LARGE1: variants seen among roughly 807,000 people sequenced by gnomAD.
LARGE1 encodes xylosyl- and glucuronyltransferase LARGE1.
A neutral mutation model predicts 87.6 loss-of-function variants in LARGE1; 43 were observed. The ratio of observed to expected loss-of-function variants is 0.49; its 90% CI spans 0.38 to 0.63. The LOEUF (loss-of-function observed/expected upper bound fraction) is 0.63, where lower values mean the gene tolerates loss of function less well. Ranked by LOEUF, LARGE1 falls within the 30% of genes least tolerant of loss-of-function variation. The probability of loss-of-function intolerance (pLI) is 0.00; values close to 1 mark genes in which losing one functional copy is unlikely to be tolerated. For missense variants in LARGE1, 802 were observed against 1,000.2 expected (o/e 0.80, Z 2.67); for synonymous variants, 434 against 394.6 (o/e 1.10, Z -1.18).
At chr22:33,661,645 C>A (rs1484603607) in intron 2 of LARGE1, among the ~76,000 whole-genome samples, 1 of 152,066 alleles carries the variant, frequency 6.6e-6, no homozygotes. Flanking sequence ...AAGCCCTGAC[C>A]CCATTCATTC....
intron 6 of LARGE1, among the ~76,000 whole-genome samples, chr22:33,556,610 G>C (rs2148730257): frequency 6.7e-6 from 1 of 149,558 alleles, no homozygotes; most frequent in South Asian, 2.2e-4. Flanking sequence ...TAGGGAGGCA[G>C]GGAAGGAGGG....
At chr22:33,444,001 T>G (rs2067593226) in intron 6 of LARGE1, among the ~76,000 whole-genome samples, 1 of 152,276 alleles carries the variant, frequency 6.6e-6, no homozygotes, top group African/African-American at 2.4e-5. Context: ...GTTGGCATCT[T>G]TTAGATACTT....
the LARGE1 span, among the ~76,000 whole-genome samples, chr22:33,078,513 A>C: frequency 6.6e-6 from 1 of 152,222 alleles, no homozygotes; most frequent in Non-Finnish European, 1.5e-5. Context: ...CGAGGCACAG[A>C]AAAATAAGTT....
At chr22:33,393,117 G>C (rs1349457089) in intron 7 of LARGE1, among the ~76,000 whole-genome samples, 1 of 152,214 alleles carries the variant, frequency 6.6e-6, no homozygotes, top group African/African-American at 2.4e-5. Flanking sequence ...AGCAGCTAAT[G>C]AGTCTGTTTA....
intron 3 of LARGE1, among the ~76,000 whole-genome samples, chr22:33,639,690 C>A (rs984531152): frequency 6.6e-6 from 1 of 152,122 alleles, no homozygotes; most frequent in Admixed American, 6.5e-5. Flanking sequence ...ACTGTTTTTT[C>A]TTCCGTACAA....
intron 2 of LARGE1, among the ~76,000 whole-genome samples, chr22:33,705,258 A>G (rs1485057189): frequency 6.6e-6 from 1 of 152,210 alleles, no homozygotes; most frequent in African/African-American, 2.4e-5. Flanking sequence ...GTTGTCATGA[A>G]CAGATTCTTG....
intron 1 of LARGE1, among the ~76,000 whole-genome samples, chr22:33,828,992 T>G (rs1227523416): frequency 2.0e-5 from 3 of 148,676 alleles, no homozygotes; most frequent in Non-Finnish European, 4.4e-5. Context: ...AGATGCTTTG[T>G]GAAGTCTCTT....
intron 5 of LARGE1, among the ~76,000 whole-genome samples, chr22:33,600,154 C>A (rs1195744751): frequency 6.6e-6 from 1 of 152,174 alleles, no homozygotes; most frequent in Non-Finnish European, 1.5e-5. Context: ...GATAAAGAAA[C>A]TCTGCCATCG....
chr22:33,835,157 C>T (rs2063076461), intron 1 of LARGE1, among the ~76,000 whole-genome samples: 1 of 152,176 alleles, frequency 6.6e-6, no homozygotes, highest in African/African-American at 2.4e-5. Flanking sequence ...ATTGCTGGTG[C>T]TTATGCAGAA....
chr22:33,795,832 C>G (rs1254751923), intron 1 of LARGE1, among the ~76,000 whole-genome samples: 1 of 151,896 alleles, frequency 6.6e-6, no homozygotes, highest in African/African-American at 2.4e-5. Context: ...GGGAACATCA[C>G]ACACTGGGGT....
intron 7 of LARGE1, among the ~76,000 whole-genome samples, chr22:33,418,948 C>T (rs556900749): frequency 1.8e-4 from 27 of 152,220 alleles, no homozygotes; most frequent in Admixed American, 7.2e-4. Context: ...AGCGAGGGCA[C>T]TTGGGGTCTG....
In LARGE1 at chr22:33,432,254, G is replaced by T. The variant is rs1361818325; in HGVS notation, c.799C>A (p.Leu267Met). ...TCACTCTGGTTCTCCACCAAGCCCAGGACTTGCTGACCTGTGAGGTACAGA... is the reference window on the plus strand; with the variant it reads ...TCACTCTGGTTCTCCACCAAGCCCATGACTTGCTGACCTGTGAGGTACAGA... ...VFHKFKGQQV[L>M]GLVENQSDWY... The change falls in exon 7 of 15, where the codon CTG (leucine) becomes ATG (methionine). Residue 267 changes from leucine to methionine, a missense_variant. Coordinates refer to ENST00000397394, the MANE Select transcript of LARGE1 (RefSeq NM_133642.5). 1.9e-6 allele frequency: 3 copies of T among 1,613,990 alleles called. No homozygotes were observed. The highest frequency in any genetic ancestry group is 1.7e-6 in the Non-Finnish European group (2 of 1,179,880).
At chr22:33,190,437 G>C (rs1923715734) in intron 11 of LARGE1, among the ~76,000 whole-genome samples, 1 of 152,124 alleles carries the variant, frequency 6.6e-6, no homozygotes, top group Admixed American at 6.5e-5. Flanking sequence ...GGCGGTTCCT[G>C]CTCATAGCCA....
At chr22:33,469,985 G>A (rs527552830) in intron 6 of LARGE1, among the ~76,000 whole-genome samples, 13 of 150,036 alleles carry the variant, frequency 8.7e-5, no homozygotes, top group Admixed American at 7.3e-4. Flanking sequence ...CACCTCCCGG[G>A]TTCACGCCAT....
At chr22:33,131,268 TC>T in the LARGE1 span, among the ~76,000 whole-genome samples, 1 of 152,140 alleles carries the variant, frequency 6.6e-6, no homozygotes, top group East Asian at 1.9e-4. Context: ...TCTACTTTTG[TC>T]CCCATCCCTC....
At chr22:33,379,194 T>C (rs1029122845) in intron 9 of LARGE1, among the ~76,000 whole-genome samples, 3 of 150,850 alleles carry the variant, frequency 2.0e-5, no homozygotes, top group African/African-American at 4.9e-5. Context: ...TTTTTGAGTG[T>C]CGTAAAGTCT....
the LARGE1 span, among the ~76,000 whole-genome samples, chr22:33,089,734 T>A: frequency 6.7e-6 from 1 of 150,028 alleles, no homozygotes; most frequent in Admixed American, 6.7e-5. Flanking sequence ...TGGGCTCAAG[T>A]GATCTTCCTG....
chr22:33,905,124 G>C (rs1569025372), intron 1 of LARGE1, among the ~76,000 whole-genome samples: 1 of 140,262 alleles, frequency 7.1e-6, no homozygotes, highest in Non-Finnish European at 1.5e-5. Context: ...GGAGTGCAAT[G>C]GCGTGACCAG....
In LARGE1 at chr22:33,409,089, C is replaced by T. The variant is rs554261720; in HGVS notation, c.892+23072G>A. Among the ~76,000 whole-genome samples the T allele has an allele frequency of 6.6e-5, 10 of 152,278 alleles. No individual in the cohort carries two copies. In the East Asian group the frequency reaches 1.9e-3, roughly 29 times the overall value. ...TGGATAATTGTCTTCATGGAGATTC[C>T]CTTCACTTGGAGCAGTCCCATAGGG... On this transcript the variant is annotated intron_variant, in intron 7 of 14. Coordinates refer to ENST00000397394, the MANE Select transcript of LARGE1 (RefSeq NM_133642.5).
Sources: gnomAD v4.1 joint callset for allele counts (sites outside exome capture counted in the v4.1 genomes callset) on GRCh38, gnomAD v4.1.1 for gene constraint, MANE v1.5 for transcripts, NCBI Gene and HGNC (gene_info 2026-07-23, HGNC 2026-07-21) for gene names.